The following KCNIP4 variants were observed in gnomAD, a reference collection of about 807,000 sequenced individuals.
The protein encoded by KCNIP4 is Kv channel-interacting protein 4.
A neutral mutation model predicts 34.0 loss-of-function variants in KCNIP4; 12 were observed. The ratio of observed to expected loss-of-function variants is 0.35; its 90% CI spans 0.23 to 0.57. KCNIP4 has a LOEUF of 0.57. KCNIP4 is among the 20% of genes least tolerant of loss of function. KCNIP4 has a pLI of 0.83. For missense variants in KCNIP4, 238 were observed against 311.7 expected (o/e 0.76, Z 1.78); for synonymous variants, 124 against 102.2 (o/e 1.21, Z -1.29).
intron 1 of KCNIP4, among the ~76,000 whole-genome samples, chr4:21,926,532 G>A (rs1476133046): frequency 3.9e-5 from 6 of 152,180 alleles, no homozygotes; most frequent in Admixed American, 3.9e-4. Flanking sequence ...AGTGGGCCTT[G>A]TGTGCCAGTC....
At chr4:21,431,640 G>T (rs1178989750) in intron 1 of KCNIP4, among the ~76,000 whole-genome samples, 1 of 152,006 alleles carries the variant, frequency 6.6e-6, no homozygotes, top group Non-Finnish European at 1.5e-5. Flanking sequence ...GAGGTACAGA[G>T]CATGAGTTAG....
chr4:21,888,147 A>AC (rs1726893168), intron 1 of KCNIP4, among the ~76,000 whole-genome samples: 1 of 152,168 alleles, frequency 6.6e-6, no homozygotes, highest in Admixed American at 6.6e-5. Context: ...TAAGTGACTT[A>AC]CCCCAAGGTC....
chr4:21,732,165 G>T (rs1353282563), intron 1 of KCNIP4, among the ~76,000 whole-genome samples: 3 of 151,902 alleles, frequency 2.0e-5, no homozygotes, highest in Non-Finnish European at 2.9e-5. Flanking sequence ...GCCCAGTAAT[G>T]AGATAGCTTG....
intron 1 of KCNIP4, among the ~76,000 whole-genome samples, chr4:21,104,089 G>C (rs1748244641): frequency 6.6e-6 from 1 of 151,948 alleles, no homozygotes; most frequent in South Asian, 2.1e-4. Flanking sequence ...TAGTCCCTTG[G>C]GTATATGCCC....
intron 1 of KCNIP4, among the ~76,000 whole-genome samples, chr4:21,550,459 T>A (rs985813304): frequency 3.3e-5 from 5 of 152,126 alleles, no homozygotes; most frequent in African/African-American, 1.2e-4. Flanking sequence ...CATAGCCTCA[T>A]CGAAAATTTC....
Position 20,974,603 on chromosome 4 carries a change from C to A in KCNIP4, c.62-91894G>T, listed in dbSNP as rs547125619. On this transcript the variant is annotated intron_variant, in intron 1 of 8. Coordinates refer to ENST00000382152, the MANE Select transcript of KCNIP4 (RefSeq NM_025221.6). ...GATGCTCAGTGCTAAAAGTGTTGCT[C>A]AGATGCAGCTCAAAGATCACCTCTT... is the stretch of plus-strand genomic sequence containing the variant. Among the ~76,000 whole-genome samples, 4 of 152,246 alleles carry A rather than the reference C, an allele frequency of 2.6e-5. No individual in the cohort carries two copies. In the South Asian group the frequency reaches 8.3e-4, roughly 32 times the overall value.
chr4:20,918,210 T>C (rs1221405632), intron 1 of KCNIP4, among the ~76,000 whole-genome samples: 1 of 152,028 alleles, frequency 6.6e-6, no homozygotes, highest in Non-Finnish European at 1.5e-5. Context: ...GATGAGGTGT[T>C]AATCTTACAG....
At chr4:21,659,587 A>C (rs1195483800) in intron 1 of KCNIP4, among the ~76,000 whole-genome samples, 2 of 152,150 alleles carry the variant, frequency 1.3e-5, no homozygotes, top group African/African-American at 4.8e-5. Context: ...CTTCATCTAG[A>C]GATTTGGATA....
intron 1 of KCNIP4, among the ~76,000 whole-genome samples, chr4:20,999,414 GTTTTTTTTTTT>G (rs5856594): frequency 1.0e-5 from 1 of 95,344 alleles, no homozygotes; most frequent in Non-Finnish European, 2.0e-5. Flanking sequence ...TTGTGGTGGT[GTTTTTTTTTTT>G]TGTTTGTTTT....
rs998534683 is a variant in KCNIP4 at position 21,762,868 on chromosome 4, C to A, written c.61+185703G>T. On this transcript the variant is annotated intron_variant, in intron 1 of 8. Coordinates refer to ENST00000382152, the MANE Select transcript of KCNIP4 (RefSeq NM_025221.6). The stretch of plus-strand genomic sequence containing the variant: ...AAGTGTGAGAAAGGAAAGGAGAATC[C>A]CAGAAGATTGGGAGGGGGGTGTAGG... 101 of 1,148,828 alleles carry A rather than the reference C, an allele frequency of 8.8e-5. 1 individual carries two copies. The Middle Eastern group carries it at 1.9e-3, about 22-fold the overall frequency. 71.2% of individuals were successfully genotyped at this position (1,148,828 alleles called of 1,614,324 possible).
At chr4:21,308,824 C>A (rs554878544) in intron 1 of KCNIP4, among the ~76,000 whole-genome samples, 1 of 152,190 alleles carries the variant, frequency 6.6e-6, no homozygotes, top group East Asian at 1.9e-4. Context: ...AATGCATTCT[C>A]ACGTAACTAC....
At chr4:20,937,170 T>G (rs1207527123) in intron 1 of KCNIP4, among the ~76,000 whole-genome samples, 1 of 149,222 alleles carries the variant, frequency 6.7e-6, no homozygotes, top group Non-Finnish European at 1.5e-5. Flanking sequence ...TAGTGCTGCA[T>G]AATCTCATAA....
chr4:21,798,349 C>G (rs1232449133), intron 1 of KCNIP4, among the ~76,000 whole-genome samples: 1 of 148,968 alleles, frequency 6.7e-6, no homozygotes, highest in Non-Finnish European at 1.5e-5. Context: ...CTCAGGAATT[C>G]AAGACCGGCC....
chr4:21,137,640 T>G (rs1425001940), intron 1 of KCNIP4, among the ~76,000 whole-genome samples: 1 of 152,156 alleles, frequency 6.6e-6, no homozygotes, highest in Non-Finnish European at 1.5e-5. Context: ...TCTGTTCATC[T>G]GCTCAACAGG....
At position 20,916,984 on chromosome 4, in the gene KCNIP4, T is replaced by TG. The variant is rs1560568118; in HGVS notation, c.62-34276_62-34275insC. On this transcript the variant is annotated intron_variant, in intron 1 of 8. Coordinates refer to ENST00000382152, the MANE Select transcript of KCNIP4 (RefSeq NM_025221.6). Reference sequence around the variant, plus strand: ...TTCTTCCACCATTGACCATCTTATGTTTATATATATATATATATATATATA... The same window carrying TG: ...TTCTTCCACCATTGACCATCTTATGTGTTATATATATATATATATATATATA... 7.8e-4 allele frequency among the ~76,000 whole-genome samples: 8 copies of TG among 10,316 alleles called. 1 individual carries two copies. The highest frequency in any genetic ancestry group is 1.8e-3 in the African/African-American group (7 of 3,820). 6.8% of individuals were successfully genotyped at this position (10,316 alleles called of 152,430 possible).
At chr4:21,218,101 C>T (rs967760411) in intron 1 of KCNIP4, among the ~76,000 whole-genome samples, 8 of 151,582 alleles carry the variant, frequency 5.3e-5, no homozygotes, top group South Asian at 2.1e-4. Context: ...CCACAACCTC[C>T]GCCTCCTGGG....
At chr4:21,153,495 TTA>T (rs1378972866) in intron 1 of KCNIP4, among the ~76,000 whole-genome samples, 1 of 124,470 alleles carries the variant, frequency 8.0e-6, no homozygotes, top group South Asian at 2.7e-4. Context: ...ATGTGTATAT[TTA>T]TATATATATG....
intron 1 of KCNIP4, among the ~76,000 whole-genome samples, chr4:21,459,758 T>G (rs1729291561): frequency 6.6e-6 from 1 of 152,030 alleles, no homozygotes; most frequent in Admixed American, 6.6e-5. Flanking sequence ...TGATTGTCTT[T>G]TCTTTTCTCA....
rs539276086 is a variant in KCNIP4 at position 21,904,821 on chromosome 4, T to C, written c.61+43750A>G. Among the ~76,000 whole-genome samples the C allele has an allele frequency of 9.9e-4, 151 of 152,244 alleles. 1 individual carries two copies. The highest frequency in any genetic ancestry group is 3.5e-3 in the African/African-American group (145 of 41,550). The stretch of plus-strand genomic sequence containing the variant: ...CCAATAGATGGCCTAAGTAGCTCCA[T>C]CCCAAGTCACAACAACCATAAACAT... On this transcript the variant is annotated intron_variant, in intron 1 of 8. Transcript: ENST00000382152.
Sources: gnomAD v4.1 joint callset for allele counts (sites outside exome capture counted in the v4.1 genomes callset) on GRCh38, gnomAD v4.1.1 for gene constraint, MANE v1.5 for transcripts, NCBI Gene and HGNC (gene_info 2026-07-23, HGNC 2026-07-21) for gene names.